The following MSRB3 variants were observed in gnomAD, a reference collection of about 807,000 sequenced individuals.
The protein encoded by MSRB3 is methionine sulfoxide reductase B3.
A neutral mutation model predicts 21.0 loss-of-function variants in MSRB3; 13 were observed. That is an observed-to-expected ratio of 0.62 (90% confidence interval 0.40 to 0.98). The LOEUF (loss-of-function observed/expected upper bound fraction) is 0.98, where lower values mean the gene tolerates loss of function less well. Ranked by LOEUF, MSRB3 falls within the 50% of genes least tolerant of loss-of-function variation. The pLI is 0.00. For synonymous variants in MSRB3, 87 were observed against 88.6 expected (o/e 0.98, Z 0.10); for missense variants, 199 against 230.3 (o/e 0.86, Z 0.88).
At chr12:65,450,295 A>C (rs557333361) in intron 5 of MSRB3, among the ~76,000 whole-genome samples, 16 of 152,298 alleles carry the variant, frequency 1.1e-4, no homozygotes, top group African/African-American at 2.6e-4. Flanking sequence ...ATGGGTGAAT[A>C]AAATTGAGGC....
intron 5 of MSRB3, among the ~76,000 whole-genome samples, chr12:65,432,549 G>T (rs1471748455): frequency 6.6e-6 from 1 of 151,906 alleles, no homozygotes; most frequent in East Asian, 1.9e-4. Context: ...CCTGACTAAG[G>T]TAAATGGATT....
intron 5 of MSRB3, among the ~76,000 whole-genome samples, chr12:65,449,561 T>G (rs1223226043): frequency 6.6e-6 from 1 of 152,156 alleles, no homozygotes; most frequent in East Asian, 1.9e-4. Flanking sequence ...TGCTAAAATA[T>G]GTATCATCAT....
At chr12:65,455,355 T>C (rs1883041017) in intron 6 of MSRB3, among the ~76,000 whole-genome samples, 1 of 152,188 alleles carries the variant, frequency 6.6e-6, no homozygotes, top group Non-Finnish European at 1.5e-5. Flanking sequence ...TTCAGCTCAC[T>C]CTTGTTTCTC....
chr12:65,417,319 A>G (rs1881031788), intron 5 of MSRB3, among the ~76,000 whole-genome samples: 1 of 152,176 alleles, frequency 6.6e-6, no homozygotes, highest in African/African-American at 2.4e-5. Flanking sequence ...TGTGTTAATA[A>G]GAAGATAATA....
chr12:65,359,716 GC>G (rs1280567334), intron 4 of MSRB3, among the ~76,000 whole-genome samples: 2 of 152,140 alleles, frequency 1.3e-5, no homozygotes, highest in Non-Finnish European at 2.9e-5. Flanking sequence ...AAGCACTTTG[GC>G]AGAATATGTT....
intron 1 of MSRB3, chr12:65,305,287 C>T (rs990267020): frequency 1.3e-5 from 2 of 151,980 alleles, no homozygotes; most frequent in Admixed American, 6.6e-5. Context: ...GAACTCCTGA[C>T]CTCAAGTAAT....
intron 4 of MSRB3, among the ~76,000 whole-genome samples, chr12:65,364,946 A>G (rs1195205801): frequency 6.6e-6 from 1 of 152,132 alleles, no homozygotes; most frequent in African/African-American, 2.4e-5. Flanking sequence ...ATTTTTTTAA[A>G]TTGATACCCA....
At chr12:65,329,518 T>A (rs184672970) in intron 4 of MSRB3, among the ~76,000 whole-genome samples, 112 of 151,990 alleles carry the variant, frequency 7.4e-4, no homozygotes, top group African/African-American at 2.7e-3. Context: ...GGCATGGTGG[T>A]GTGCGCCTGT....
At chr12:65,329,883 C>T (rs1875298157) in intron 4 of MSRB3, among the ~76,000 whole-genome samples, 1 of 152,074 alleles carries the variant, frequency 6.6e-6, no homozygotes, top group Non-Finnish European at 1.5e-5. Context: ...TGAACATTAC[C>T]ATTGGTTGAG....
rs200778091 is a variant in MSRB3 at position 65,278,799 on chromosome 12, C to A, written c.-118C>A. 2.0e-5 allele frequency: 31 copies of A among 1,571,758 alleles called. 1 individual carries two copies. The Admixed American group carries it at 4.8e-4, about 24-fold the overall frequency. ...CCCGCGGCGGACCCTCCCGCGCCCC[C>A]TCTCGCTCTGCCTCTCCCTCTGCCT... On this transcript the variant is annotated 5_prime_UTR_variant, in exon 1 of 7. Coordinates refer to ENST00000308259, the MANE Select transcript of MSRB3 (RefSeq NM_001031679.3).
At chr12:65,352,950 A>G (rs1320213839) in intron 4 of MSRB3, among the ~76,000 whole-genome samples, 2 of 152,062 alleles carry the variant, frequency 1.3e-5, no homozygotes, top group Non-Finnish European at 2.9e-5. Flanking sequence ...TCTTCACAGA[A>G]TTGGAAAAAA....
At chr12:65,452,423 A>G (rs1882897088) in intron 5 of MSRB3, among the ~76,000 whole-genome samples, 1 of 152,190 alleles carries the variant, frequency 6.6e-6, no homozygotes, top group Admixed American at 6.5e-5. Context: ...ACCAAATATT[A>G]TAGCCTAGAA....
chr12:65,430,418 A>G (rs956612653), intron 5 of MSRB3, among the ~76,000 whole-genome samples: 1 of 152,204 alleles, frequency 6.6e-6, no homozygotes, highest in Non-Finnish European at 1.5e-5. Context: ...CCTGGGAAAG[A>G]TTAAACAGAG....
At chr12:65,426,919 T>C (rs563784157) in intron 5 of MSRB3, among the ~76,000 whole-genome samples, 1 of 152,256 alleles carries the variant, frequency 6.6e-6, no homozygotes, top group African/African-American at 2.4e-5. Context: ...AAAGTTCTTG[T>C]TTTGGTCTTA....
At chr12:65,378,043 AT>A (rs1483267067) in intron 5 of MSRB3, among the ~76,000 whole-genome samples, 1 of 152,140 alleles carries the variant, frequency 6.6e-6, no homozygotes, top group Non-Finnish European at 1.5e-5. Context: ...TTATGAAATA[AT>A]TTTTTTATGA....
intron 5 of MSRB3, among the ~76,000 whole-genome samples, chr12:65,392,892 T>C (rs1049296574): frequency 6.6e-6 from 1 of 152,192 alleles, no homozygotes; most frequent in Admixed American, 6.5e-5. Context: ...AATTATATTA[T>C]TTATATTTTC....
chr12:65,457,752 GA>G (rs1268664950), intron 6 of MSRB3, among the ~76,000 whole-genome samples: 8,571 of 141,510 alleles, frequency 0.061, 822 homozygotes, highest in African/African-American at 0.2. Context: ...AAATTTACAA[GA>G]AAAAAAAAAA....
chr12:65,461,496 G>A (rs1362847653), intron 6 of MSRB3, among the ~76,000 whole-genome samples: 1 of 152,128 alleles, frequency 6.6e-6, no homozygotes, highest in Non-Finnish European at 1.5e-5. Context: ...TAAACTGACA[G>A]AGTTTGCTGG....
intron 5 of MSRB3, among the ~76,000 whole-genome samples, chr12:65,391,576 A>T (rs552413325): frequency 6.6e-6 from 1 of 152,326 alleles, no homozygotes; most frequent in African/African-American, 2.4e-5. Flanking sequence ...TAATACTGTC[A>T]TATCAAATAA....
Sources: allele counts gnomAD v4.1 joint callset (sites outside exome capture counted in the v4.1 genomes callset), GRCh38; gene constraint gnomAD v4.1.1; transcripts MANE v1.5; gene names NCBI Gene and HGNC (gene_info 2026-07-23, HGNC 2026-07-21).